Variants in UBE2G1 observed in about 807,000 individuals in gnomAD.
The protein encoded by UBE2G1 is ubiquitin-conjugating enzyme E2 G1.
UBE2G1 carries 5 observed loss-of-function variants against 22.7 expected under a neutral mutation model. The ratio of observed to expected loss-of-function variants is 0.22; its 90% confidence interval spans 0.12 to 0.46. The LOEUF is 0.46. Ranked by LOEUF, UBE2G1 falls within the 20% of genes least tolerant of loss-of-function variation. UBE2G1 has a pLI of 0.99. For missense variants in UBE2G1, 88 were observed against 203.9 expected, an observed-to-expected ratio of 0.43 and a Z score of 3.46; for synonymous variants, 74 against 67.5, an observed-to-expected ratio of 1.10 and a Z score of -0.47.
chr17:4,362,763 G>C (rs978921989), intron 1 of UBE2G1, among the ~76,000 whole-genome samples: 1 of 152,118 alleles, frequency 6.6e-6, no homozygotes, highest in Non-Finnish European at 1.5e-5. Flanking sequence ...GGGGCCGCAG[G>C]GGGCAGCAGA....
At chr17:4,307,152 C>T in intron 1 of UBE2G1, 29 bp from the exon 2 acceptor site, 2 of 1,563,178 alleles carry the variant, frequency 1.3e-6, no homozygotes, top group Non-Finnish European at 1.8e-6. Context: ...TTAATCAATA[C>T]ATTTAAGCAC....
intron 4 of UBE2G1, 69 bp from the exon 5 acceptor site, chr17:4,282,990 T>A (rs1968912951): frequency 1.6e-6 from 2 of 1,284,284 alleles, no homozygotes; most frequent in African/African-American, 1.5e-5. Flanking sequence ...AATATTTATT[T>A]TAATTTTGAA....
intron 1 of UBE2G1, among the ~76,000 whole-genome samples, chr17:4,322,213 A>G (rs1297913443): frequency 6.6e-6 from 1 of 152,228 alleles, no homozygotes; most frequent in Non-Finnish European, 1.5e-5. Flanking sequence ...TCATTCCTCT[A>G]AGTAGTCTCC....
At chr17:4,332,276 TCA>T (rs146589233) in intron 1 of UBE2G1, among the ~76,000 whole-genome samples, 3,761 of 152,254 alleles carry the variant, frequency 0.025, 145 homozygotes, top group African/African-American at 0.085. Flanking sequence ...CAACCGTAAG[TCA>T]CACAGTCATG....
intron 1 of UBE2G1, among the ~76,000 whole-genome samples, chr17:4,337,267 G>A (rs1319577564): frequency 6.7e-6 from 1 of 149,264 alleles, no homozygotes; most frequent in East Asian, 1.9e-4. Context: ...CTTGAGCCCA[G>A]GAGGTCAAGG....
At chr17:4,295,849 C>T (rs930661879) in intron 3 of UBE2G1, among the ~76,000 whole-genome samples, 23 of 149,226 alleles carry the variant, frequency 1.5e-4, no homozygotes, top group Admixed American at 1.4e-3. Context: ...GCTGGCTAGG[C>T]AGGAGAACTG....
intron 1 of UBE2G1, among the ~76,000 whole-genome samples, chr17:4,337,337 AAG>A: frequency 6.6e-6 from 1 of 150,688 alleles, no homozygotes; most frequent in Non-Finnish European, 1.5e-5. Flanking sequence ...AAAAAAAGAA[AAG>A]AAAAGAAAGA....
chr17:4,279,785 T>TTATATATATATATATA (rs71144177), intron 5 of UBE2G1, among the ~76,000 whole-genome samples: 27 of 68,878 alleles, frequency 3.9e-4, no homozygotes, highest in East Asian at 7.2e-4. Context: ...CAAAAAAAAG[T>TTATATATATATATATA]TATATATATA....
chr17:4,334,908 TATATAAAATTG>T (rs1463816174), intron 1 of UBE2G1, among the ~76,000 whole-genome samples: 1 of 151,982 alleles, frequency 6.6e-6, no homozygotes, highest in Non-Finnish European at 1.5e-5. Flanking sequence ...CAGACATAAA[TATATAAAATTG>T]AATGAAGTAC....
intron 1 of UBE2G1, among the ~76,000 whole-genome samples, chr17:4,341,714 C>G (rs968202133): frequency 1.3e-5 from 2 of 152,190 alleles, no homozygotes; most frequent in Non-Finnish European, 1.5e-5. Context: ...TGCTCTCCTT[C>G]CATTCTCTCA....
intron 4 of UBE2G1, among the ~76,000 whole-genome samples, chr17:4,287,362 A>G (rs1332721176): frequency 6.6e-6 from 1 of 152,046 alleles, no homozygotes; most frequent in Non-Finnish European, 1.5e-5. Flanking sequence ...TCGGCCTCCC[A>G]AACGGCTGGG....
intron 1 of UBE2G1, among the ~76,000 whole-genome samples, chr17:4,355,881 G>C (rs1002663644): frequency 6.8e-6 from 1 of 147,654 alleles, no homozygotes; most frequent in Non-Finnish European, 1.5e-5. Context: ...TGTATTTCTA[G>C]TAGAGATGGG....
intron 5 of UBE2G1, among the ~76,000 whole-genome samples, chr17:4,279,869 T>G (rs1307306378): frequency 7.7e-6 from 1 of 130,160 alleles, no homozygotes. Flanking sequence ...ACAAAGAAAA[T>G]AAAAGGACAA....
At chr17:4,307,449 G>A (rs1002645147) in intron 1 of UBE2G1, among the ~76,000 whole-genome samples, 1 of 152,220 alleles carries the variant, frequency 6.6e-6, no homozygotes, top group Non-Finnish European at 1.5e-5. Flanking sequence ...TTCTCATTGA[G>A]AGGGAGCCCT....
intron 4 of UBE2G1, among the ~76,000 whole-genome samples, chr17:4,285,951 A>T (rs1190116458): frequency 7.2e-5 from 10 of 139,786 alleles, no homozygotes; most frequent in African/African-American, 1.0e-4. Flanking sequence ...CTACATCTTT[A>T]AAAAAAAAAA....
chr17:4,330,345 T>G (rs1021455439), intron 1 of UBE2G1, among the ~76,000 whole-genome samples: 6 of 152,142 alleles, frequency 3.9e-5, no homozygotes, highest in Non-Finnish European at 8.8e-5. Flanking sequence ...TATCTTCACA[T>G]TTTGCATACT....
chr17:4,312,677 T>C (rs111534610), intron 1 of UBE2G1, among the ~76,000 whole-genome samples: 3,685 of 111,208 alleles, frequency 0.033, 143 homozygotes, highest in African/African-American at 0.12. Flanking sequence ...GCCTGGGCGA[T>C]AGAGCAAGAC....
intron 2 of UBE2G1, chr17:4,301,258 C>T (rs755707295): frequency 2.6e-6 from 1 of 380,350 alleles, no homozygotes; most frequent in Non-Finnish European, 5.1e-6. Context: ...GTCATGTGAT[C>T]ACTGACTTGG....
chr17:4,282,178 G>A (rs1004431068), intron 5 of UBE2G1, among the ~76,000 whole-genome samples: 3 of 152,156 alleles, frequency 2.0e-5, no homozygotes, highest in African/African-American at 7.2e-5. Context: ...CGTCTCCCAG[G>A]TTCAAGCGAT....
Sources: allele counts gnomAD v4.1 joint callset (sites outside exome capture counted in the v4.1 genomes callset), GRCh38; gene constraint gnomAD v4.1.1; transcripts MANE v1.5; gene names NCBI Gene and HGNC (gene_info 2026-07-23, HGNC 2026-07-21).